Variants in EXOC3 observed in about 807,000 individuals in gnomAD.
EXOC3 encodes SEC6-like 1.
Under a neutral mutation model 73.7 loss-of-function variants are expected in EXOC3, and 21 were observed. The observed-to-expected ratio is 0.29, with a 90% CI of 0.20 to 0.41. The LOEUF (loss-of-function observed/expected upper bound fraction) is 0.41, where lower values mean the gene tolerates loss of function less well. Ranked by LOEUF, EXOC3 falls within the 10% of genes least tolerant of loss-of-function variation. The pLI is 1.00. For synonymous variants in EXOC3, 410 were observed against 389.1 expected (o/e 1.05, Z -0.63); for missense variants, 842 against 985.1 (o/e 0.85, Z 1.95).
chr5:460,054 G>A (rs1258270018), intron 7 of EXOC3, among the ~76,000 whole-genome samples: 2 of 152,194 alleles, frequency 1.3e-5, no homozygotes, highest in South Asian at 2.1e-4. Flanking sequence ...GGCAAACCCC[G>A]GGCGCTGTGG....
intron 10 of EXOC3, 145 bp from the exon 11 acceptor site, chr5:464,966 T>C (rs1738096910): frequency 4.8e-6 from 4 of 833,100 alleles, no homozygotes; most frequent in Admixed American, 3.0e-5. Context: ...TCCTCTGCGG[T>C]GAGATGCCAG....
chr5:445,524 G>A (rs1737481644), intron 1 of EXOC3, among the ~76,000 whole-genome samples: 1 of 151,866 alleles, frequency 6.6e-6, no homozygotes, highest in African/African-American at 2.4e-5. Context: ...TAATTTTTTT[G>A]TGTGTATTTT....
chr5:460,377 C>A (rs1203812320), intron 7 of EXOC3, among the ~76,000 whole-genome samples: 1 of 152,164 alleles, frequency 6.6e-6, no homozygotes, highest in East Asian at 1.9e-4. Context: ...GGCTTGGATC[C>A]CACTTATTGG....
At position 462,332 on chromosome 5, in the gene EXOC3, C is replaced by T. The variant is rs1396659060; in HGVS notation, c.1653+25C>T. On this transcript the variant is annotated intron_variant, in intron 9 of 12. Coordinates refer to ENST00000512944, the MANE Select transcript of EXOC3 (RefSeq NM_007277.5). Reference sequence around the variant, plus strand: ...GGTGGGCCTGGCTCTTTCCTCCTGCCGTTTTCTGGGCCGAAGCCCAGTGCT... The same window carrying T: ...GGTGGGCCTGGCTCTTTCCTCCTGCTGTTTTCTGGGCCGAAGCCCAGTGCT... 12 of 1,613,472 alleles carry T rather than the reference C, an allele frequency of 7.4e-6. No homozygotes were observed. In the South Asian group the frequency reaches 7.7e-5, roughly 10 times the overall value.
At chr5:457,111 T>G (rs1737841551) in intron 5 of EXOC3, 105 bp downstream of exon 5, 1 of 764,028 alleles carries the variant, frequency 1.3e-6, no homozygotes, top group African/African-American at 1.7e-5. Flanking sequence ...TAGCGTTGAC[T>G]TCCTAGGATG....
chr5:456,490 A>G (rs1261452724), intron 4 of EXOC3, among the ~76,000 whole-genome samples: 1 of 152,090 alleles, frequency 6.6e-6, no homozygotes, highest in Non-Finnish European at 1.5e-5. Context: ...GGTGCAGTGA[A>G]TAGAACACAC....
At chr5:448,184 C>T (rs376908624) in intron 3 of EXOC3, among the ~76,000 whole-genome samples, 3 of 152,208 alleles carry the variant, frequency 2.0e-5, no homozygotes, top group South Asian at 4.1e-4. Context: ...AGCAGCAGCT[C>T]CCAGGCAGGA....
Position 466,994 on chromosome 5 carries a change from C to A in EXOC3, c.*96C>A. 8.0e-7 allele frequency: 1 copy of A among 1,254,470 alleles called. No individual in the cohort carries two copies. Among genetic ancestry groups the A allele is most frequent in the Non-Finnish European group, 1.1e-6 (1 of 904,010 alleles). 77.7% of individuals were successfully genotyped at this position (1,254,470 alleles called of 1,614,324 possible). A position where few individuals can be genotyped will look rare whatever the true frequency, so the allele number is the denominator to read the frequency against. On this transcript the variant is annotated 3_prime_UTR_variant, in exon 13 of 13. Transcript: ENST00000512944. ...TTGCTCTCCTTGGCCACACGTGCTC[C>A]TTTTAGCTGCACGGCCTGTCTTTAG...
At chr5:464,170 TCCCACA>T in intron 9 of EXOC3, 114 bp from the exon 10 acceptor site, 1 of 976,106 alleles carries the variant, frequency 1.0e-6, no homozygotes. Flanking sequence ...AGTGCCTCCC[TCCCACA>T]CTGCACGCAG....
chr5:450,084 A>G (rs935395420), intron 3 of EXOC3, among the ~76,000 whole-genome samples: 28 of 152,148 alleles, frequency 1.8e-4, no homozygotes, highest in Admixed American at 1.6e-3. Context: ...CGTCTCTACT[A>G]AAAATATAAA....
intron 3 of EXOC3, among the ~76,000 whole-genome samples, chr5:448,502 C>G (rs763375742): frequency 5.3e-5 from 8 of 152,212 alleles, no homozygotes; most frequent in African/African-American, 7.2e-5. Context: ...GATTCCTTCC[C>G]TTTCTTTGTT....
At chr5:460,220 C>T (rs1471677658) in intron 7 of EXOC3, among the ~76,000 whole-genome samples, 10 of 152,224 alleles carry the variant, frequency 6.6e-5, no homozygotes, top group Non-Finnish European at 8.8e-5. Flanking sequence ...GACTGCATCG[C>T]ATGAGGGCTT....
chr5:465,119 G>A lies in EXOC3; in HGVS notation c.1785G>A (p.Thr595=). ...CGCGCGTGTCTCCCCAGAGGATGACGGCCGAGGCGCACCGGCGCGTGGTGG... is the reference window on the plus strand; with the variant it reads ...CGCGCGTGTCTCCCCAGAGGATGACAGCCGAGGCGCACCGGCGCGTGGTGG... ...KIKKPYKKRM[T]AEAHRRVVVE... is the part of the protein sequence containing the mutation. The change falls in exon 11 of 13, where the codon ACG becomes ACA. Residue 595 remains threonine, a synonymous_variant. Transcript: ENST00000512944. 2 of 1,580,762 alleles carry A rather than the reference G, an allele frequency of 1.3e-6. No individual in the cohort carries two copies. Among genetic ancestry groups the A allele is most frequent in the Non-Finnish European group, 1.7e-6 (2 of 1,165,338 alleles).
At chr5:457,611 A>G in intron 5 of EXOC3, 1 of 319,688 alleles carries the variant, frequency 3.1e-6, no homozygotes, top group Non-Finnish European at 5.9e-6. Flanking sequence ...CCTGGGATTC[A>G]GCGGCCTTGT....
chr5:462,574 A>G, intron 9 of EXOC3: 1 of 471,032 alleles, frequency 2.1e-6, no homozygotes, highest in Non-Finnish European at 3.8e-6. Flanking sequence ...TACAAAATAG[A>G]AACCGATATG....
chr5:460,884 C>G (rs1231829551), intron 7 of EXOC3, among the ~76,000 whole-genome samples: 2 of 152,244 alleles, frequency 1.3e-5, no homozygotes, highest in African/African-American at 4.8e-5. Context: ...ATGCTAACTT[C>G]TTTCCCTTTA....
rs990989345 is a variant in EXOC3 at position 443,250 on chromosome 5, C to CGGCGGG, written c.-92_-91insGGGCGG. On this transcript the variant is annotated 5_prime_UTR_variant, in exon 1 of 13. Transcript: ENST00000512944. ...GCGGGGGCGGCGGCGGCGGCGGCGGCGGCGGCGGCGGCGGCGGCGGCGGCG... is the reference window on the plus strand; with the variant it reads ...GCGGGGGCGGCGGCGGCGGCGGCGGCGGCGGGGGCGGCGGCGGCGGCGGCGGCGGCG... 4.2e-4 allele frequency: 3 copies of CGGCGGG among 7,178 alleles called. No homozygotes were observed. The highest frequency in any genetic ancestry group is 1.3e-3 in the Non-Finnish European group (3 of 2,238). The allele number at this position is 7,178 out of a possible 1,614,324, so 0.4% of individuals were successfully genotyped here.
Position 464,382 on chromosome 5 carries a change from T to C in EXOC3, c.1746T>C (p.Asp582=), listed in dbSNP as rs1259253929. Reference sequence around the variant, plus strand: ...TCACCGTGGAAGACTATTTCAACGATTTTGCCAAAATTAAAAAGCCGTATA... The same window carrying C: ...TCACCGTGGAAGACTATTTCAACGACTTTGCCAAAATTAAAAAGCCGTATA... The part of the protein sequence containing the change: ...ICVTVEDYFN[D]FAKIKKPYKK... The change falls in exon 10 of 13, where the codon GAT becomes GAC. Residue 582 remains aspartate (D), a synonymous_variant. Transcript: ENST00000512944. 50 of 1,613,734 alleles carry C rather than the reference T, an allele frequency of 3.1e-5. No homozygotes were observed. The highest frequency in any genetic ancestry group is 4.0e-5 in the Non-Finnish European group (47 of 1,179,780).
At chr5:457,220 C>T (rs1737844777) in intron 5 of EXOC3, 3 of 568,542 alleles carry the variant, frequency 5.3e-6, no homozygotes, top group Middle Eastern at 4.7e-4. Context: ...TGAAGCTTGT[C>T]CTCTGCTGGA....
Sources: allele counts gnomAD v4.1 joint callset (sites outside exome capture counted in the v4.1 genomes callset), GRCh38; gene constraint gnomAD v4.1.1; transcripts MANE v1.5; gene names NCBI Gene and HGNC (gene_info 2026-07-23, HGNC 2026-07-21).